Variants in RDH10 observed in about 807,000 individuals in gnomAD.
RDH10 encodes retinol dehydrogenase 10 (all-trans).
RDH10 carries 12 observed loss-of-function variants against 30.2 expected under a neutral mutation model. The observed-to-expected ratio is 0.40, with a 90% CI of 0.25 to 0.64. The LOEUF (loss-of-function observed/expected upper bound fraction) is 0.64. RDH10 is among the 30% of genes least tolerant of loss of function. The pLI, the probability that RDH10 is intolerant of heterozygous loss-of-function variation, is 0.43. For synonymous variants in RDH10, 189 were observed against 172.2 expected, an observed-to-expected ratio of 1.10 and a Z score of -0.76; for missense variants, 268 against 445.2, an observed-to-expected ratio of 0.60 and a Z score of 3.58.
At chr8:73,316,922 C>G (rs1814679961) in intron 2 of RDH10, among the ~76,000 whole-genome samples, 1 of 152,172 alleles carries the variant, frequency 6.6e-6, no homozygotes, top group Admixed American at 6.5e-5. Context: ...AAAATCACTC[C>G]CATGATCCAG....
chr8:73,303,190 C>T (rs1009429710), intron 2 of RDH10, among the ~76,000 whole-genome samples: 1 of 152,112 alleles, frequency 6.6e-6, no homozygotes, highest in East Asian at 1.9e-4. Flanking sequence ...AGTAAAAGCC[C>T]ACCAGCTAGA....
chr8:73,317,280 A>G (rs1814687411), intron 2 of RDH10, among the ~76,000 whole-genome samples: 1 of 152,214 alleles, frequency 6.6e-6, no homozygotes, highest in Non-Finnish European at 1.5e-5. Flanking sequence ...TTCAGTAAAG[A>G]ATTATTAGGG....
chr8:73,309,845 GC>G (rs1814532200), intron 2 of RDH10, among the ~76,000 whole-genome samples: 2 of 152,094 alleles, frequency 1.3e-5, no homozygotes, highest in African/African-American at 4.8e-5. Context: ...GCTGCTGCTG[GC>G]ATCTAGTGGA....
intron 2 of RDH10, among the ~76,000 whole-genome samples, chr8:73,303,076 C>T (rs959782626): frequency 6.6e-6 from 1 of 151,480 alleles, no homozygotes; most frequent in African/African-American, 2.4e-5. Flanking sequence ...TAATAGACCA[C>T]TTAACTTAAA....
rs1012642482 is a variant in RDH10 at position 73,308,597 on chromosome 8, C to CT, written c.526-10495dup. Among the ~76,000 whole-genome samples the CT allele has an allele frequency of 5.4e-4, 82 of 152,244 alleles. 2 individuals carry two copies. Among genetic ancestry groups the CT allele is most frequent in the African/African-American group, 1.9e-3 (79 of 41,540 alleles). Reference sequence around the variant, plus strand: ...GGATGCAGAGGGAAGGATTTGAAGTCTTTTAGGTTTCTTCTTTACAAACTT... The same window carrying CT: ...GGATGCAGAGGGAAGGATTTGAAGTCTTTTTAGGTTTCTTCTTTACAAACTT... On this transcript the variant is annotated intron_variant, in intron 2 of 5. Transcript: ENST00000240285.
Position 73,295,261 on chromosome 8 carries a change from T to G in RDH10, c.-29T>G. 2 of 1,520,716 alleles carry G rather than the reference T, an allele frequency of 1.3e-6. No homozygotes were observed. Among genetic ancestry groups the G allele is most frequent in the Non-Finnish European group, 1.8e-6 (2 of 1,136,134 alleles). The allele number at this position is 1,520,716 out of a possible 1,614,324, so 94.2% of individuals were successfully genotyped here. A position where few individuals can be genotyped will look rare whatever the true frequency, so the allele number is the denominator to read the frequency against. On this transcript the variant is annotated 5_prime_UTR_variant, in exon 1 of 6. Coordinates refer to ENST00000240285, the MANE Select transcript of RDH10 (RefSeq NM_172037.5). ...TCGGGGTGGGCGCGGACGCAGGCACTGGGCTCGTGCGGGGCCCCGGGCGTC... is the reference window on the plus strand; with the variant it reads ...TCGGGGTGGGCGCGGACGCAGGCACGGGGCTCGTGCGGGGCCCCGGGCGTC...
intron 3 of RDH10, among the ~76,000 whole-genome samples, chr8:73,319,561 C>T (rs1489565183): frequency 1.3e-5 from 2 of 152,220 alleles, no homozygotes; most frequent in Non-Finnish European, 2.9e-5. Flanking sequence ...ACTTCTGCCT[C>T]TTCTGCCATA....
chr8:73,322,000 T>G (rs867909568), intron 4 of RDH10: 1 of 456,260 alleles, frequency 2.2e-6, no homozygotes, highest in Non-Finnish European at 4.4e-6. Context: ...TTTGTTTTCC[T>G]CTTATGTACT....
At chr8:73,308,573 G>T (rs1814503388) in intron 2 of RDH10, among the ~76,000 whole-genome samples, 1 of 152,278 alleles carries the variant, frequency 6.6e-6, no homozygotes, top group Middle Eastern at 3.4e-3. Flanking sequence ...AGCCTCTGTG[G>T]ATGCAGAGGG....
At chr8:73,320,475 GT>G (rs55892941) in intron 3 of RDH10, among the ~76,000 whole-genome samples, 22,101 of 137,042 alleles carry the variant, frequency 0.16, 2,021 homozygotes, top group African/African-American at 0.25. Flanking sequence ...TTTTGTTTTT[GT>G]TTTTTTTTTT....
intron 4 of RDH10, chr8:73,322,437 T>C (rs1814788119): frequency 4.5e-6 from 2 of 445,254 alleles, no homozygotes; most frequent in South Asian, 6.7e-5. Flanking sequence ...AACATGACTT[T>C]TTCATCTTAT....
chr8:73,319,108 T>A lies in RDH10; in HGVS notation c.538T>A (p.Phe180Ile). The stretch of plus-strand genomic sequence containing the variant: ...TACTTTGTTTCAGACCACTAAGGCT[T>A]TTCTTCCTACGATGCTGGAGATTAA... The part of the protein sequence containing the change: ...CHAHFWTTKA[F>I]LPTMLEINHG... The change falls in exon 3 of 6, where the codon TTT (phenylalanine) becomes ATT (isoleucine). Residue 180 changes from phenylalanine to isoleucine, a missense_variant. By Grantham distance (21) the Phe-to-Ile change is conservative. Around this residue, in one of 4 missense-constraint regions of RDH10, gnomAD observed 136 missense variants for 288.8 expected, o/e 0.47. Coordinates refer to ENST00000240285, the MANE Select transcript of RDH10 (RefSeq NM_172037.5). The A allele has an allele frequency of 6.2e-7, 1 of 1,612,256 alleles. No homozygotes were observed. Among genetic ancestry groups the A allele is most frequent in the Non-Finnish European group, 8.5e-7 (1 of 1,178,534 alleles).
At chr8:73,303,759 G>A (rs1481035779) in intron 2 of RDH10, among the ~76,000 whole-genome samples, 1 of 152,224 alleles carries the variant, frequency 6.6e-6, no homozygotes, top group African/African-American at 2.4e-5. Context: ...AGGATCACAT[G>A]CTCATTGAAC....
intron 2 of RDH10, chr8:73,311,049 CT>C (rs1814554618): frequency 6.6e-6 from 1 of 152,164 alleles, no homozygotes; most frequent in Non-Finnish European, 1.5e-5. Flanking sequence ...GAGTTGATCC[CT>C]TATTGAGTCA....
At chr8:73,311,396 CTG>C (rs1814561832) in intron 2 of RDH10, 1 of 152,202 alleles carries the variant, frequency 6.6e-6, no homozygotes, top group Non-Finnish European at 1.5e-5. Context: ...ATCTGAGTTG[CTG>C]CCTTGAGGTA....
chr8:73,317,747 C>A (rs1300245008), intron 2 of RDH10, among the ~76,000 whole-genome samples: 1 of 151,732 alleles, frequency 6.6e-6, no homozygotes, highest in Non-Finnish European at 1.5e-5. Context: ...ATAATGAGAC[C>A]CCTTCTCTAC....
At chr8:73,322,347 C>A in intron 4 of RDH10, 1 of 284,582 alleles carries the variant, frequency 3.5e-6, no homozygotes, top group Admixed American at 4.9e-5. Flanking sequence ...TTAGTGTTTG[C>A]TATGCCAAAC....
intron 4 of RDH10, chr8:73,321,770 C>G (rs894336325): frequency 4.6e-5 from 21 of 455,334 alleles, no homozygotes; most frequent in Non-Finnish European, 8.4e-5. Flanking sequence ...GTTTGAAAGG[C>G]AAAGGAAGAT....
intron 2 of RDH10, among the ~76,000 whole-genome samples, chr8:73,309,965 T>TAG (rs569659075): frequency 2.5e-4 from 38 of 152,312 alleles, no homozygotes; most frequent in South Asian, 1.2e-3. Context: ...AACGCTGTTC[T>TAG]AGAGCACTGG....
Sources: gnomAD v4.1 joint callset for allele counts (sites outside exome capture counted in the v4.1 genomes callset) on GRCh38, gnomAD v4.1.1 for gene constraint, gnomAD v4.1.1 regional missense constraint, MANE v1.5 for transcripts, NCBI Gene and HGNC (gene_info 2026-07-23, HGNC 2026-07-21) for gene names.